Variants in FBXO28 observed in about 807,000 individuals in gnomAD.
The protein encoded by FBXO28 is F-box only protein 28.
FBXO28 carries 8 observed loss-of-function variants against 38.1 expected under a neutral mutation model. The observed-to-expected ratio is 0.21, with a 90% CI of 0.12 to 0.38. The LOEUF is 0.38. Among genes scored for constraint, FBXO28 ranks in the 10% least tolerant of loss-of-function variants. The pLI, the probability that FBXO28 is intolerant of heterozygous loss-of-function variation, is 1.00. For missense variants in FBXO28, 345 were observed against 460.6 expected (o/e 0.75, Z 2.30); for synonymous variants, 168 against 173.8 (o/e 0.97, Z 0.26).
At chr1:224,139,764 GCATA>G (rs57108038) in intron 3 of FBXO28, among the ~76,000 whole-genome samples, 69,233 of 145,936 alleles carry the variant, frequency 0.47, 17,591 homozygotes, top group South Asian at 0.59. Flanking sequence ...ATGCATGCAT[GCATA>G]CATACATACA....
At chr1:224,132,737 G>T (rs1033786403) in intron 2 of FBXO28, among the ~76,000 whole-genome samples, 4 of 151,686 alleles carry the variant, frequency 2.6e-5, no homozygotes, top group Non-Finnish European at 4.4e-5. Flanking sequence ...CCTGGGAGAC[G>T]GAGGTTGCAG....
chr1:224,149,231 G>A (rs1383303193), intron 3 of FBXO28, among the ~76,000 whole-genome samples: 1 of 150,088 alleles, frequency 6.7e-6, no homozygotes, highest in Non-Finnish European at 1.5e-5. Context: ...AATGACCTTT[G>A]TGTTCAAAAC....
chr1:224,154,998 A>G (rs1657740475), intron 4 of FBXO28, among the ~76,000 whole-genome samples: 1 of 151,738 alleles, frequency 6.6e-6, no homozygotes, highest in African/African-American at 2.4e-5. Context: ...AAAAATCATT[A>G]AGTTAAACCA....
intron 2 of FBXO28, among the ~76,000 whole-genome samples, chr1:224,131,232 A>ATGTTT (rs1553289304): frequency 1.3e-5 from 2 of 151,514 alleles, no homozygotes; most frequent in Non-Finnish European, 2.9e-5. Context: ...AAGGTACAAT[A>ATGTTT]TGTTTTGTTT....
At chr1:224,154,044 A>T (rs1410159575) in intron 4 of FBXO28, among the ~76,000 whole-genome samples, 1 of 152,154 alleles carries the variant, frequency 6.6e-6, no homozygotes, top group Non-Finnish European at 1.5e-5. Flanking sequence ...GTGAAAAGTT[A>T]CATACAGATG....
chr1:224,131,712 A>G (rs1341043724), intron 2 of FBXO28, among the ~76,000 whole-genome samples: 1 of 152,216 alleles, frequency 6.6e-6, no homozygotes, highest in Non-Finnish European at 1.5e-5. Context: ...GCACTATACT[A>G]TATAACCCTT....
At chr1:224,150,396 A>G (rs1270070759) in intron 3 of FBXO28, among the ~76,000 whole-genome samples, 3 of 152,066 alleles carry the variant, frequency 2.0e-5, no homozygotes, top group Non-Finnish European at 2.9e-5. Context: ...CAAAACTACT[A>G]TGGGTCAATT....
chr1:224,145,702 C>T (rs1394980582), intron 3 of FBXO28, among the ~76,000 whole-genome samples: 2 of 152,098 alleles, frequency 1.3e-5, no homozygotes, highest in Admixed American at 6.5e-5. Context: ...GCGGGCAGAT[C>T]ACCTGAGGTC....
intron 1 of FBXO28, among the ~76,000 whole-genome samples, chr1:224,127,327 T>A (rs72753956): frequency 0.041 from 6,170 of 152,160 alleles, 153 homozygotes; most frequent in African/African-American, 0.058. Context: ...ACTTGTGTGT[T>A]CTTGTGTTTT....
intron 1 of FBXO28, among the ~76,000 whole-genome samples, chr1:224,119,300 A>ATT (rs60981634): frequency 6.9e-6 from 1 of 144,696 alleles, no homozygotes; most frequent in Non-Finnish European, 1.5e-5. Flanking sequence ...CGCCCGGCTA[A>ATT]TTTTTTTTTT....
chr1:224,161,326 C>T lies in FBXO28; in HGVS notation c.*3580C>T, dbSNP rs764396349. The T allele has an allele frequency of 2.0e-5, 3 of 152,320 alleles. No individual in the cohort carries two copies. The highest frequency in any genetic ancestry group is 3.4e-3 in the Middle Eastern group (1 of 292). The allele number at this position is 152,320 out of a possible 1,614,324, so 9.4% of individuals were successfully genotyped here. ...TAGCAATGAGTACCCATTTGTTACACTTACCAAACTCTCTAAAAACATATA... is the reference window on the plus strand; with the variant it reads ...TAGCAATGAGTACCCATTTGTTACATTTACCAAACTCTCTAAAAACATATA... On this transcript the variant is annotated 3_prime_UTR_variant, in exon 5 of 5. Transcript: ENST00000366862.
At chr1:224,127,717 G>T (rs1656939079) in intron 1 of FBXO28, among the ~76,000 whole-genome samples, 1 of 152,124 alleles carries the variant, frequency 6.6e-6, no homozygotes, top group East Asian at 1.9e-4. Flanking sequence ...GACCAGCCTG[G>T]CCAACATGGT....
intron 1 of FBXO28, among the ~76,000 whole-genome samples, chr1:224,130,175 T>C (rs1810345): frequency 0.99 from 150,086 of 152,100 alleles, 74,079 homozygotes; most frequent in Middle Eastern, 1. Context: ...AACTCTGTCT[T>C]TACTAAAAAT....
At position 224,121,663 on chromosome 1, in the gene FBXO28, CT is replaced by C. The variant is rs1002688908; in HGVS notation, c.267+7278del. 7.1e-4 allele frequency among the ~76,000 whole-genome samples: 105 copies of C among 148,034 alleles called. 1 individual carries two copies. Among genetic ancestry groups the C allele is most frequent in the African/African-American group, 1.9e-3 (75 of 40,484 alleles). On this transcript the variant is annotated intron_variant, in intron 1 of 4. Transcript: ENST00000366862. ...AGCCACCACACTTGGGCAAATAGAA[CT>C]TTTTTTTTTTCTTTGAGACAGTCTC...
chr1:224,136,995 G>A (rs1437287339), intron 3 of FBXO28, among the ~76,000 whole-genome samples: 2 of 151,334 alleles, frequency 1.3e-5, no homozygotes, highest in Admixed American at 6.6e-5. Flanking sequence ...CAAGTGATCC[G>A]CCTGCCTTGG....
At chr1:224,157,001 C>CCA (rs112703446) in intron 4 of FBXO28, among the ~76,000 whole-genome samples, 1 of 137,158 alleles carries the variant, frequency 7.3e-6, no homozygotes, top group Non-Finnish European at 1.6e-5. Context: ...GACTCTGTCT[C>CCA]AAAAAAAAAA....
chr1:224,122,675 T>C (rs965249583), intron 1 of FBXO28, among the ~76,000 whole-genome samples: 2 of 152,166 alleles, frequency 1.3e-5, no homozygotes, highest in Non-Finnish European at 2.9e-5. Context: ...GCCAGATGGC[T>C]TGTAATGGTT....
At chr1:224,145,597 C>T (rs781342638) in intron 3 of FBXO28, among the ~76,000 whole-genome samples, 34 of 152,084 alleles carry the variant, frequency 2.2e-4, no homozygotes, top group Non-Finnish European at 4.0e-4. Context: ...CATGATGCAG[C>T]ACATAACCGT....
chr1:224,136,655 G>C (rs1657195080), intron 3 of FBXO28, among the ~76,000 whole-genome samples: 1 of 151,174 alleles, frequency 6.6e-6, no homozygotes, highest in Non-Finnish European at 1.5e-5. Flanking sequence ...ATGAACCTGG[G>C]AGGCAGAGCT....
Sources: allele counts gnomAD v4.1 joint callset (sites outside exome capture counted in the v4.1 genomes callset), GRCh38; gene constraint gnomAD v4.1.1; transcripts MANE v1.5; gene names NCBI Gene and HGNC (gene_info 2026-07-23, HGNC 2026-07-21).